WASF3: variants seen among roughly 807,000 people sequenced by gnomAD.
The protein encoded by WASF3 is actin-binding protein WASF3.
A neutral mutation model predicts 46.6 loss-of-function variants in WASF3; 11 were observed. That is an observed-to-expected ratio of 0.24 (90% CI 0.15 to 0.39). WASF3 has a LOEUF of 0.39. WASF3 is among the 10% of genes least tolerant of loss of function. The pLI, the probability that WASF3 is intolerant of heterozygous loss-of-function variation, is 1.00. For missense variants in WASF3, 576 were observed against 669.8 expected (o/e 0.86, Z 1.55); for synonymous variants, 242 against 259.7 (o/e 0.93, Z 0.65).
chr13:26,570,520 A>G (rs1879603778), intron 1 of WASF3, among the ~76,000 whole-genome samples: 1 of 151,826 alleles, frequency 6.6e-6, no homozygotes, highest in African/African-American at 2.4e-5. Flanking sequence ...CCTTTTTTTC[A>G]AAAACAGAAG....
chr13:26,572,311 A>G (rs1448015798), intron 1 of WASF3, among the ~76,000 whole-genome samples: 2 of 152,196 alleles, frequency 1.3e-5, no homozygotes, highest in Non-Finnish European at 2.9e-5. Context: ...GGATGTTGGC[A>G]CTTGCACTCA....
chr13:26,593,970 T>C (rs1350789021), intron 1 of WASF3, among the ~76,000 whole-genome samples: 5 of 152,254 alleles, frequency 3.3e-5, no homozygotes, highest in African/African-American at 1.2e-4. Context: ...CATCTTCGTG[T>C]ATAAATCTTT....
At chr13:26,603,077 A>G (rs1420202220) in intron 1 of WASF3, among the ~76,000 whole-genome samples, 1 of 152,162 alleles carries the variant, frequency 6.6e-6, no homozygotes, top group African/African-American at 2.4e-5. Flanking sequence ...AGGTAAGAGT[A>G]ACTGCTGTTG....
intron 5 of WASF3, 39 bp downstream of exon 5, chr13:26,667,709 A>AGGGGAGAGCTGGGCAGAGCTG: frequency 6.3e-7 from 1 of 1,593,166 alleles, no homozygotes; most frequent in African/African-American, 1.3e-5. Context: ...CCTTGAGATG[A>AGGGGAGAGCTGGGCAGAGCTG]GGGGAGAGCT....
intron 6 of WASF3, among the ~76,000 whole-genome samples, chr13:26,672,942 CT>C (rs2137485638): frequency 6.6e-6 from 1 of 152,202 alleles, no homozygotes; most frequent in East Asian, 1.9e-4. Context: ...ATGCAAAGGA[CT>C]TGGTCACACA....
At chr13:26,550,484 T>TCATTGG in the WASF3 span, among the ~76,000 whole-genome samples, 1 of 152,206 alleles carries the variant, frequency 6.6e-6, no homozygotes, top group East Asian at 1.9e-4. Flanking sequence ...TGGCAATTAT[T>TCATTGG]CAACTATTTT....
chr13:26,643,331 C>T (rs373351454), intron 3 of WASF3, among the ~76,000 whole-genome samples: 3 of 151,940 alleles, frequency 2.0e-5, no homozygotes, highest in East Asian at 1.9e-4. Context: ...TAGCCTCAAG[C>T]GAAGGGCAAA....
At chr13:26,607,548 G>A (rs1007553083) in intron 1 of WASF3, among the ~76,000 whole-genome samples, 2 of 152,072 alleles carry the variant, frequency 1.3e-5, no homozygotes, top group Non-Finnish European at 1.5e-5. Context: ...CAGGTAAACT[G>A]GGCCTCTTCT....
At chr13:26,599,979 G>A (rs986577543) in intron 1 of WASF3, among the ~76,000 whole-genome samples, 3 of 152,208 alleles carry the variant, frequency 2.0e-5, no homozygotes, top group Non-Finnish European at 4.4e-5. Flanking sequence ...GTAGTATTCA[G>A]TTACTCTCTG....
chr13:26,676,440 G>A, intron 6 of WASF3, 109 bp from the exon 7 acceptor site: 7 of 1,210,912 alleles, frequency 5.8e-6, no homozygotes, highest in Non-Finnish European at 8.1e-6. Context: ...ATGCGAATGT[G>A]TCTTGTCTGT....
intron 7 of WASF3, among the ~76,000 whole-genome samples, chr13:26,680,567 G>A (rs1457442504): frequency 2.6e-5 from 4 of 152,184 alleles, no homozygotes; most frequent in Non-Finnish European, 5.9e-5. Flanking sequence ...TTCTGTTTAA[G>A]AAAAATATGA....
the WASF3 span, among the ~76,000 whole-genome samples, chr13:26,552,624 C>G: frequency 2.0e-5 from 3 of 146,740 alleles, no homozygotes; most frequent in Non-Finnish European, 4.5e-5. Flanking sequence ...TTACTTCATT[C>G]TGAGAACAAG....
chr13:26,665,037 C>A lies in WASF3; in HGVS notation c.143C>A (p.Ala48Asp). ...IRQLSSLSKH[A>D]EDIFGELFNE... ...TCATTTTATTCTACAGGCAAACATG[C>A]TGAAGACATATTTGGTGAGTTGTTT... Residue 48 changes from alanine (A) to aspartate (D), a missense_variant, in exon 4 of 10, where the codon GCT becomes GAT. Physicochemically the swap from Ala to Asp is moderately radical, Grantham distance 126. Around this residue, in one of 3 missense-constraint regions of WASF3, gnomAD observed 213 missense variants for 278.0 expected, o/e 0.77. Transcript: ENST00000335327. The A allele has an allele frequency of 6.2e-7, 1 of 1,614,084 alleles. No individual in the cohort carries two copies. Among genetic ancestry groups the A allele is most frequent in the Non-Finnish European group, 8.5e-7 (1 of 1,179,970 alleles).
At chr13:26,664,461 A>G (rs1882715398) in intron 3 of WASF3, among the ~76,000 whole-genome samples, 1 of 152,196 alleles carries the variant, frequency 6.6e-6, no homozygotes, top group African/African-American at 2.4e-5. Flanking sequence ...GGAATGTGGA[A>G]ATGAGCCACG....
chr13:26,665,283 C>T (rs1593178514), intron 4 of WASF3, 121 bp downstream of exon 4: 1 of 1,252,504 alleles, frequency 8.0e-7, no homozygotes, highest in Non-Finnish European at 1.1e-6. Context: ...CTTGTCTTTC[C>T]TAGAAGAATA....
intron 2 of WASF3, among the ~76,000 whole-genome samples, chr13:26,639,227 A>G (rs1180021087): frequency 1.3e-5 from 2 of 152,230 alleles, no homozygotes. Context: ...AGTTGTAGAC[A>G]GGTAGCATGG....
At chr13:26,678,312 CTTA>C (rs1162381814) in intron 7 of WASF3, among the ~76,000 whole-genome samples, 1 of 151,668 alleles carries the variant, frequency 6.6e-6, no homozygotes, top group Non-Finnish European at 1.5e-5. Context: ...ATAAGACATG[CTTA>C]TTATATCTGG....
chr13:26,555,723 C>T (rs916950490), upstream of WASF3, among the ~76,000 whole-genome samples: 1 of 152,198 alleles, frequency 6.6e-6, no homozygotes, highest in Non-Finnish European at 1.5e-5. Context: ...TGAGACACAA[C>T]GACACCATAG....
At chr13:26,616,723 C>G (rs1033281582) in intron 2 of WASF3, among the ~76,000 whole-genome samples, 1 of 152,094 alleles carries the variant, frequency 6.6e-6, no homozygotes, top group Admixed American at 6.6e-5. Context: ...GGGGGCTGTA[C>G]ATGAGTCAAT....
Sources: allele counts gnomAD v4.1 joint callset (sites outside exome capture counted in the v4.1 genomes callset), GRCh38; gene constraint gnomAD v4.1.1; regional missense constraint gnomAD v4.1.1; transcripts MANE v1.5; gene names NCBI Gene and HGNC (gene_info 2026-07-23, HGNC 2026-07-21).